Variants in CYP4F22 observed in about 807,000 individuals in gnomAD.
CYP4F22 encodes cytochrome P450 family 4 subfamily F member 22, also known as ultra-long-chain fatty acid omega-hydroxylase.
Under a neutral mutation model 60.4 loss-of-function variants are expected in CYP4F22, and 37 were observed. The observed-to-expected ratio is 0.61, with a 90% CI of 0.47 to 0.81. The LOEUF (loss-of-function observed/expected upper bound fraction) is 0.81. Ranked by LOEUF, CYP4F22 falls within the 30% of genes least tolerant of loss-of-function variation. The pLI is 0.00. For missense variants in CYP4F22, 655 were observed against 715.0 expected, an observed-to-expected ratio of 0.92 and a Z score of 0.96; for synonymous variants, 258 against 280.5, an observed-to-expected ratio of 0.92 and a Z score of 0.80.
chr19:15,549,384 A>G (rs146263707), intron 12 of CYP4F22, among the ~76,000 whole-genome samples, 182 bp downstream of exon 12: 3 of 152,338 alleles, frequency 2.0e-5, no homozygotes, highest in East Asian at 3.9e-4. Context: ...TTGAGCACCT[A>G]CTGTGTGCCA....
chr19:15,546,977 C>CTGGGATTACAGGTATG (rs1164473769), intron 10 of CYP4F22, among the ~76,000 whole-genome samples: 2 of 141,656 alleles, frequency 1.4e-5, no homozygotes, highest in African/African-American at 5.3e-5. Context: ...TCCCAAAGTG[C>CTGGGATTACAGGTATG]TGGGATTACA....
intron 1 of CYP4F22, among the ~76,000 whole-genome samples, chr19:15,514,454 G>A (rs1260205897): frequency 3.3e-5 from 5 of 152,178 alleles, no homozygotes; most frequent in Admixed American, 2.6e-4. Context: ...TTGGGAGGCC[G>A]AGGCGGGTGG....
chr19:15,527,746 A>G (rs1433285738), intron 3 of CYP4F22, among the ~76,000 whole-genome samples: 1 of 152,194 alleles, frequency 6.6e-6, no homozygotes, highest in African/African-American at 2.4e-5. Flanking sequence ...TCATTTGGCA[A>G]TTGCTGAGCC....
At chr19:15,529,931 A>G (rs1031328231) in intron 4 of CYP4F22, 78 bp downstream of exon 4, 10 of 1,591,798 alleles carry the variant, frequency 6.3e-6, no homozygotes, top group African/African-American at 1.3e-5. Flanking sequence ...CAGGTGGGAT[A>G]TCCAGAGGAA....
At chr19:15,519,509 C>T (rs975483987) in intron 1 of CYP4F22, among the ~76,000 whole-genome samples, 11 of 152,198 alleles carry the variant, frequency 7.2e-5, no homozygotes, top group South Asian at 6.2e-4. Flanking sequence ...GTGATCCACC[C>T]GCCTTGGCCT....
At position 15,551,605 on chromosome 19, in the gene CYP4F22, C is replaced by T. The variant is rs868618502; in HGVS notation, c.*134C>T. 130 of 1,138,330 alleles carry T rather than the reference C, an allele frequency of 1.1e-4. 1 individual carries two copies. The South Asian group carries it at 1.9e-3, about 17-fold the overall frequency. 70.5% of individuals were successfully genotyped at this position (1,138,330 alleles called of 1,614,324 possible). A position where few individuals can be genotyped will look rare whatever the true frequency, so the allele number is the denominator to read the frequency against. On this transcript the variant is annotated 3_prime_UTR_variant, in exon 14 of 14. Coordinates refer to ENST00000269703, the MANE Select transcript of CYP4F22 (RefSeq NM_173483.4). ...TCAGCTCCTGGATGACCAGGCACCG[C>T]TGTTGAGCAGCCTGGTGGTACTGGC...
chr19:15,525,243 TG>T, intron 2 of CYP4F22, 92 bp from the exon 3 acceptor site: 1 of 1,264,666 alleles, frequency 7.9e-7, no homozygotes, highest in Non-Finnish European at 1.1e-6. Context: ...TCACGTGTGC[TG>T]GGAACCTTCT....
At chr19:15,537,751 C>G in intron 6 of CYP4F22, 89 bp downstream of exon 6, 1 of 1,606,996 alleles carries the variant, frequency 6.2e-7, no homozygotes, top group Non-Finnish European at 8.5e-7. Flanking sequence ...CATGTGATGT[C>G]AGGAGCCCTC....
At chr19:15,524,490 A>C (rs776533803) in intron 2 of CYP4F22, among the ~76,000 whole-genome samples, 11 of 151,938 alleles carry the variant, frequency 7.2e-5, no homozygotes, top group Non-Finnish European at 1.3e-4. Context: ...TCTCTACAAA[A>C]AAATACAAAA....
chr19:15,520,217 G>A (rs1971205677), intron 1 of CYP4F22, among the ~76,000 whole-genome samples: 1 of 151,568 alleles, frequency 6.6e-6, no homozygotes, highest in African/African-American at 2.4e-5. Flanking sequence ...GTGGTGGTGG[G>A]CGCCTATAGT....
intron 10 of CYP4F22, among the ~76,000 whole-genome samples, chr19:15,547,308 G>A (rs567921784): frequency 1.9e-4 from 29 of 152,158 alleles, no homozygotes; most frequent in Admixed American, 5.2e-4. Context: ...ACAGGCGAGA[G>A]CCACCACACC....
intron 10 of CYP4F22, among the ~76,000 whole-genome samples, chr19:15,544,487 A>T (rs1278004684): frequency 6.6e-6 from 1 of 152,190 alleles, no homozygotes; most frequent in Admixed American, 6.5e-5. Context: ...CTAGTCAGCA[A>T]TTATTGCAAT....
Position 15,550,580 on chromosome 19 carries a change from C to A in CYP4F22, c.1336-94C>A, listed in dbSNP as rs1348790652. ...GAGGTGGCCCTGGGGTGCTCCCCAT[C>A]CATCTTTACTGACCCCCAGAGGCTC... is the stretch of plus-strand genomic sequence containing the variant. On this transcript the variant is annotated intron_variant, in intron 12 of 13. Transcript: ENST00000269703. 9.5e-6 allele frequency: 12 copies of A among 1,269,638 alleles called. No homozygotes were observed. The South Asian group carries it at 1.2e-4, about 13-fold the overall frequency. 78.6% of individuals were successfully genotyped at this position (1,269,638 alleles called of 1,614,324 possible).
chr19:15,529,133 ATTT>A (rs60549680), intron 3 of CYP4F22, among the ~76,000 whole-genome samples: 10 of 100,626 alleles, frequency 9.9e-5, no homozygotes, highest in Non-Finnish European at 2.4e-5. Flanking sequence ...ATTTTATTTT[ATTT>A]TTTTTTTTTG....
rs1344549922 is a variant in CYP4F22, at chr19:15,513,465, C to T, written c.-109+4882C>T. On this transcript the variant is annotated intron_variant, in intron 1 of 13. Coordinates refer to ENST00000269703, the MANE Select transcript of CYP4F22 (RefSeq NM_173483.4). Reference sequence around the variant, plus strand: ...CTGCAAACTCCGCCTCCCGGGTTCACGCCATTCTTCAGCCTCAGCCTCCCG... The same window carrying T: ...CTGCAAACTCCGCCTCCCGGGTTCATGCCATTCTTCAGCCTCAGCCTCCCG... Among the ~76,000 whole-genome samples, 9 of 149,818 alleles carry T rather than the reference C, an allele frequency of 6.0e-5. No homozygotes were observed. The East Asian group carries it at 1.4e-3, about 23-fold the overall frequency.
At chr19:15,535,268 A>C (rs1971383354) in intron 4 of CYP4F22, among the ~76,000 whole-genome samples, 1 of 151,820 alleles carries the variant, frequency 6.6e-6, no homozygotes. Flanking sequence ...TTCCTGCCCC[A>C]CTCAGGAGCT....
Position 15,551,454 on chromosome 19 carries a change from C to G in CYP4F22, c.1579C>G (p.Leu527Val). ...CGGGCTCTGGCTCAAGGTGGAGCCG[C>G]TGCCTCCGCGGGCCTGAGCGTGGGC... ...ENGLWLKVEP[L>V]PPRA The change falls in exon 14 of 14, where the codon CTG becomes GTG. Residue 527 changes from leucine to valine, a missense_variant. Leu to Val is a conservative substitution (Grantham distance 32). Coordinates refer to ENST00000269703, the MANE Select transcript of CYP4F22 (RefSeq NM_173483.4). 1 of 1,566,038 alleles carries G rather than the reference C, an allele frequency of 6.4e-7. No individual in the cohort carries two copies. Among genetic ancestry groups the G allele is most frequent in the Non-Finnish European group, 8.6e-7 (1 of 1,156,120 alleles).
intron 3 of CYP4F22, 106 bp from the exon 4 acceptor site, chr19:15,529,603 T>C: frequency 6.8e-7 from 1 of 1,480,002 alleles, no homozygotes; most frequent in Non-Finnish European, 9.3e-7. Flanking sequence ...AATCATAATG[T>C]AGCACTATTG....
chr19:15,522,669 T>C (rs544178830), intron 1 of CYP4F22, among the ~76,000 whole-genome samples: 5 of 152,280 alleles, frequency 3.3e-5, no homozygotes, highest in Non-Finnish European at 7.4e-5. Context: ...CGTGATAGAG[T>C]GAGACCCTGT....
Sources: allele counts gnomAD v4.1 joint callset (sites outside exome capture counted in the v4.1 genomes callset), GRCh38; gene constraint gnomAD v4.1.1; transcripts MANE v1.5; gene names NCBI Gene and HGNC (gene_info 2026-07-23, HGNC 2026-07-21).